BTG1: variants seen among roughly 807,000 people sequenced by gnomAD.
BTG1 encodes BTG anti-proliferation factor 1.
BTG1 carries 2 observed loss-of-function variants against 15.2 expected under a neutral mutation model. The ratio of observed to expected loss-of-function variants is 0.13; its 90% CI spans 0.05 to 0.41. BTG1 has a LOEUF of 0.41. BTG1 is among the 10% of genes least tolerant of loss of function. The pLI is 0.99. For synonymous variants in BTG1, 109 were observed against 82.4 expected (o/e 1.32, Z -1.75); for missense variants, 149 against 215.0 (o/e 0.69, Z 1.92).
rs1870399203 is a variant in BTG1, at chr12:92,143,711, G to A, written c.*369C>T. On this transcript the variant is annotated 3_prime_UTR_variant, in exon 2 of 2. Coordinates refer to ENST00000256015, the MANE Select transcript of BTG1 (RefSeq NM_001731.3). ...ACAATAACAACTTTCAAGTGTAATAGTGCAAATTCCCCTGCGAGATTTACT... is the reference window on the plus strand; with the variant it reads ...ACAATAACAACTTTCAAGTGTAATAATGCAAATTCCCCTGCGAGATTTACT... 1 of 283,442 alleles carries A rather than the reference G, an allele frequency of 3.5e-6. No individual in the cohort carries two copies. The highest frequency in any genetic ancestry group is 7.2e-5 in the South Asian group (1 of 13,876). 17.6% of individuals were successfully genotyped at this position (283,442 alleles called of 1,614,324 possible).
Position 92,145,530 on chromosome 12 carries a change from A to G in BTG1, c.6T>C (p.His2=). ...TGGTGGCGGCCCGGGTGTAGAAGGG[A>G]TGCATGGGGGCGGCGTGCGGGGGCG... The part of the protein sequence containing the change: M[H]PFYTRAATMI... Residue 2 remains histidine (H), a synonymous_variant, in exon 1 of 2, where the codon CAT becomes CAC. Transcript: ENST00000256015. 1 of 1,511,760 alleles carries G rather than the reference A, an allele frequency of 6.6e-7. No homozygotes were observed. The highest frequency in any genetic ancestry group is 1.3e-5 in the South Asian group (1 of 78,212). 93.6% of individuals were successfully genotyped at this position (1,511,760 alleles called of 1,614,324 possible). A position where few individuals can be genotyped will look rare whatever the true frequency, so the allele number is the denominator to read the frequency against.
rs1294939233 is a variant in BTG1, at chr12:92,143,153, TTA to T, written c.*925_*926del. On this transcript the variant is annotated 3_prime_UTR_variant, in exon 2 of 2. Transcript: ENST00000256015. ...AAATGCCAAGATAAGAAACGATTTA[TTA>T]TAGAGAGAAGAAAAATTTCTCATCC... The T allele has an allele frequency of 3.0e-5, 7 of 232,752 alleles. No individual in the cohort carries two copies. Among genetic ancestry groups the T allele is most frequent in the African/African-American group, 4.4e-5 (2 of 45,308 alleles). 14.4% of individuals were successfully genotyped at this position (232,752 alleles called of 1,614,324 possible). A position where few individuals can be genotyped will look rare whatever the true frequency, so the allele number is the denominator to read the frequency against.
At chr12:92,144,598 G>A in intron 1 of BTG1, 151 bp from the exon 2 acceptor site, 2 of 1,080,854 alleles carry the variant, frequency 1.9e-6, no homozygotes, top group Non-Finnish European at 2.6e-6. Context: ...GTGCATGTGC[G>A]GGGATGGAAA....
chr12:92,141,339 A>AT lies in BTG1; in HGVS notation c.*2740dup, dbSNP rs1870210232. The AT allele has an allele frequency of 4.3e-6, 1 of 232,556 alleles. No homozygotes were observed. The highest frequency in any genetic ancestry group is 5.6e-5 in the Admixed American group (1 of 17,772). 14.4% of individuals were successfully genotyped at this position (232,556 alleles called of 1,614,324 possible). The stretch of plus-strand genomic sequence containing the variant: ...GAGATTCCCATTCCAGATGACAAAG[A>AT]TAACAGCCGCATTATCCTGCATGAA... On this transcript the variant is annotated 3_prime_UTR_variant, in exon 2 of 2. Coordinates refer to ENST00000256015, the MANE Select transcript of BTG1 (RefSeq NM_001731.3).
In BTG1 at chr12:92,140,428, T is replaced by C. The variant is rs527988953; in HGVS notation, c.*3652A>G. On this transcript the variant is annotated 3_prime_UTR_variant, in exon 2 of 2. Coordinates refer to ENST00000256015, the MANE Select transcript of BTG1 (RefSeq NM_001731.3). ...GTATCAATCCTCAGGATTAATACAA[T>C]CTAAGGCTTACTTGTTTAGGAGCAT... 4.4e-6 allele frequency: 1 copy of C among 225,224 alleles called. No individual in the cohort carries two copies. Among genetic ancestry groups the C allele is most frequent in the Non-Finnish European group, 8.8e-6 (1 of 113,128 alleles). 14.0% of individuals were successfully genotyped at this position (225,224 alleles called of 1,614,324 possible).
chr12:92,144,780 T>C (rs948779316), intron 1 of BTG1, among the ~76,000 whole-genome samples: 1 of 152,266 alleles, frequency 6.6e-6, no homozygotes, highest in Admixed American at 6.5e-5. Context: ...CCACCCCAGA[T>C]GCACACAATG....
In BTG1 at chr12:92,143,422, T is replaced by A. The variant is rs949791946; in HGVS notation, c.*658A>T. On this transcript the variant is annotated 3_prime_UTR_variant, in exon 2 of 2. Transcript: ENST00000256015. ...ACAAGCTAGCAAATGTACAGAGAGC[T>A]GGCTGGTGCTAACACCACAGTTGAG... 1 of 233,396 alleles carries A rather than the reference T, an allele frequency of 4.3e-6. No homozygotes were observed. The highest frequency in any genetic ancestry group is 2.2e-5 in the African/African-American group (1 of 45,360). The allele number at this position is 233,396 out of a possible 1,614,324, so 14.5% of individuals were successfully genotyped here.
chr12:92,141,200 T>C lies in BTG1; in HGVS notation c.*2880A>G, dbSNP rs1592655261. 3 of 232,550 alleles carry C rather than the reference T, an allele frequency of 1.3e-5. No individual in the cohort carries two copies. In the East Asian group the frequency reaches 1.8e-4, roughly 14 times the overall value. The allele number at this position is 232,550 out of a possible 1,614,324, so 14.4% of individuals were successfully genotyped here. On this transcript the variant is annotated 3_prime_UTR_variant, in exon 2 of 2. Transcript: ENST00000256015. ...ACAAAACAAAATTAATTACTTGCAATGTGTGAGTTATAATGACTTAAGGAA... is the reference window on the plus strand; with the variant it reads ...ACAAAACAAAATTAATTACTTGCAACGTGTGAGTTATAATGACTTAAGGAA...
At position 92,140,355 on chromosome 12, in the gene BTG1, C is replaced by CA. The variant is rs199977695; in HGVS notation, c.*3724dup. ...TGATAAGCCAAGTTAAACCTGCAGT[C>CA]AAAAAAAAACTGGTGTCAATCATAC... is the stretch of plus-strand genomic sequence containing the variant. On this transcript the variant is annotated 3_prime_UTR_variant, in exon 2 of 2. Transcript: ENST00000256015. 9.4e-4 allele frequency: 198 copies of CA among 209,686 alleles called. No individual in the cohort carries two copies. The highest frequency in any genetic ancestry group is 1.5e-3 in the Middle Eastern group (1 of 674). 13.0% of individuals were successfully genotyped at this position (209,686 alleles called of 1,614,324 possible). A position where few individuals can be genotyped will look rare whatever the true frequency, so the allele number is the denominator to read the frequency against.
rs1934864000 is a variant in BTG1, at chr12:92,141,199, A to C, written c.*2881T>G. ...TACAAAACAAAATTAATTACTTGCA[A>C]TGTGTGAGTTATAATGACTTAAGGA... On this transcript the variant is annotated 3_prime_UTR_variant, in exon 2 of 2. Transcript: ENST00000256015. 4.3e-6 allele frequency: 1 copy of C among 232,628 alleles called. No homozygotes were observed. The highest frequency in any genetic ancestry group is 8.5e-6 in the Non-Finnish European group (1 of 117,650). The allele number at this position is 232,628 out of a possible 1,614,324, so 14.4% of individuals were successfully genotyped here.
Position 92,145,685 on chromosome 12 carries a change from T to C in BTG1, c.-150A>G. The C allele has an allele frequency of 2.2e-6, 1 of 460,034 alleles. No individual in the cohort carries two copies. The highest frequency in any genetic ancestry group is 3.5e-6 in the Non-Finnish European group (1 of 285,250). 28.5% of individuals were successfully genotyped at this position (460,034 alleles called of 1,614,324 possible). On this transcript the variant is annotated 5_prime_UTR_variant, in exon 1 of 2. Coordinates refer to ENST00000256015, the MANE Select transcript of BTG1 (RefSeq NM_001731.3). ...GGACGACTACTTTTGTCTTTCTTTC[T>C]TTAGACTAAAAAAGTTATTTTCGAG...
chr12:92,145,267 C>A, intron 1 of BTG1, 121 bp downstream of exon 1: 1 of 1,308,282 alleles, frequency 7.6e-7, no homozygotes, highest in East Asian at 3.2e-5. Context: ...ACACCGGTCC[C>A]GCGGCGGGGC....
At chr12:92,144,551 T>A (rs1341890480) in intron 1 of BTG1, 104 bp from the exon 2 acceptor site, 9 of 1,465,988 alleles carry the variant, frequency 6.1e-6, no homozygotes, top group Non-Finnish European at 7.4e-6. Context: ...ATGAAAACTA[T>A]CAACTTTTTA....
In BTG1 at chr12:92,141,567, A is replaced by G. The variant is rs1011428394; in HGVS notation, c.*2513T>C. 4 of 231,222 alleles carry G rather than the reference A, an allele frequency of 1.7e-5. No individual in the cohort carries two copies. The highest frequency in any genetic ancestry group is 8.8e-5 in the African/African-American group (4 of 45,234). 14.3% of individuals were successfully genotyped at this position (231,222 alleles called of 1,614,324 possible). A position where few individuals can be genotyped will look rare whatever the true frequency, so the allele number is the denominator to read the frequency against. On this transcript the variant is annotated 3_prime_UTR_variant, in exon 2 of 2. Coordinates refer to ENST00000256015, the MANE Select transcript of BTG1 (RefSeq NM_001731.3). ...CAATAATTTTGAAAGTAGTCATCCTATCTTAAAAGGATTTATAATAAAATA... is the reference window on the plus strand; with the variant it reads ...CAATAATTTTGAAAGTAGTCATCCTGTCTTAAAAGGATTTATAATAAAATA...
rs765158659 is a variant in BTG1, at chr12:92,145,517, G to T, written c.19C>A (p.Arg7=). MHPFYT[R]AATMIGEIAA... Reference sequence around the variant, plus strand: ...ATCTCGCCTATCATGGTGGCGGCCCGGGTGTAGAAGGGATGCATGGGGGCG... The same window carrying T: ...ATCTCGCCTATCATGGTGGCGGCCCTGGTGTAGAAGGGATGCATGGGGGCG... Residue 7 remains arginine, a synonymous_variant, in exon 1 of 2, where the codon CGG becomes AGG. Coordinates refer to ENST00000256015, the MANE Select transcript of BTG1 (RefSeq NM_001731.3). 5 of 1,544,286 alleles carry T rather than the reference G, an allele frequency of 3.2e-6. No homozygotes were observed. Among genetic ancestry groups the T allele is most frequent in the Non-Finnish European group, 4.4e-6 (5 of 1,145,296 alleles).
At position 92,145,560 on chromosome 12, in the gene BTG1, G is replaced by C. The variant is rs1334570205; in HGVS notation, c.-25C>G. ...TGGGGGCGGCGTGCGGGGGCGGCCCGGGGCGGCTGGGGCTCGGCGGCGCGG... is the reference window on the plus strand; with the variant it reads ...TGGGGGCGGCGTGCGGGGGCGGCCCCGGGCGGCTGGGGCTCGGCGGCGCGG... On this transcript the variant is annotated 5_prime_UTR_variant, in exon 1 of 2. Coordinates refer to ENST00000256015, the MANE Select transcript of BTG1 (RefSeq NM_001731.3). 7.3e-7 allele frequency: 1 copy of C among 1,373,658 alleles called. No individual in the cohort carries two copies. Among genetic ancestry groups the C allele is most frequent in the Non-Finnish European group, 9.4e-7 (1 of 1,058,518 alleles). 85.1% of individuals were successfully genotyped at this position (1,373,658 alleles called of 1,614,324 possible). A position where few individuals can be genotyped will look rare whatever the true frequency, so the allele number is the denominator to read the frequency against.
Position 92,141,876 on chromosome 12 carries a change from C to G in BTG1, c.*2204G>C. 3 of 231,918 alleles carry G rather than the reference C, an allele frequency of 1.3e-5. No homozygotes were observed. The highest frequency in any genetic ancestry group is 2.6e-5 in the Non-Finnish European group (3 of 117,454). The allele number at this position is 231,918 out of a possible 1,614,324, so 14.4% of individuals were successfully genotyped here. A position where few individuals can be genotyped will look rare whatever the true frequency, so the allele number is the denominator to read the frequency against. On this transcript the variant is annotated 3_prime_UTR_variant, in exon 2 of 2. Coordinates refer to ENST00000256015, the MANE Select transcript of BTG1 (RefSeq NM_001731.3). ...TGTCAAGATCTTCAAAAACAACTTT[C>G]CATTTGAAAAAAGGCTTTATGATAA...
Position 92,145,643 on chromosome 12 carries a change from G to A in BTG1, c.-108C>T, listed in dbSNP as rs1870541691. The A allele has an allele frequency of 2.7e-6, 2 of 727,334 alleles. No homozygotes were observed. Among genetic ancestry groups the A allele is most frequent in the Non-Finnish European group, 3.9e-6 (2 of 518,504 alleles). The allele number at this position is 727,334 out of a possible 1,614,324, so 45.1% of individuals were successfully genotyped here. A position where few individuals can be genotyped will look rare whatever the true frequency, so the allele number is the denominator to read the frequency against. On this transcript the variant is annotated 5_prime_UTR_variant, in exon 1 of 2. Transcript: ENST00000256015. ...TCACCGGGCGGAAGGCTGAGAGGAA[G>A]AGAGGGCGTGAGGGGCGGACGACTA...
Position 92,145,513 on chromosome 12 carries a change from GC to G in BTG1, c.22del (p.Ala8ProfsTer4), listed in dbSNP as rs779993514. 3.2e-6 allele frequency: 5 copies of G among 1,576,560 alleles called. No homozygotes were observed. The highest frequency in any genetic ancestry group is 4.3e-6 in the Non-Finnish European group (5 of 1,163,124). Reference sequence around the variant, plus strand: ...GGCGATCTCGCCTATCATGGTGGCGGCCCGGGTGTAGAAGGGATGCATGGGG... The same window carrying G: ...GGCGATCTCGCCTATCATGGTGGCGGCCGGGTGTAGAAGGGATGCATGGGG... MHPFYTR[A>X]ATMIGEIAAA... On this transcript the variant is annotated frameshift_variant, in exon 1 of 2. Transcript: ENST00000256015. LOFTEE classifies it high-confidence loss of function.
Sources: allele counts gnomAD v4.1 joint callset (sites outside exome capture counted in the v4.1 genomes callset), GRCh38; gene constraint gnomAD v4.1.1; transcripts MANE v1.5; gene names NCBI Gene and HGNC (gene_info 2026-07-23, HGNC 2026-07-21).